Variants in TGIF1 observed in about 807,000 individuals in gnomAD.
TGIF1 encodes TGFB induced factor homeobox 1.
TGIF1 carries 4 observed loss-of-function variants against 19.3 expected under a neutral mutation model. The ratio of observed to expected loss-of-function variants is 0.21; its 90% confidence interval spans 0.10 to 0.47. The LOEUF is 0.47. Ranked by LOEUF, TGIF1 falls within the 20% of genes least tolerant of loss-of-function variation. The pLI, the probability that TGIF1 is intolerant of heterozygous loss-of-function variation, is 0.98. For missense variants in TGIF1, 275 were observed against 341.4 expected, an observed-to-expected ratio of 0.81 and a Z score of 1.53; for synonymous variants, 122 against 129.3, an observed-to-expected ratio of 0.94 and a Z score of 0.38.
At chr18:3,416,951 A>G (rs1268735160) in intron 1 of TGIF1, among the ~76,000 whole-genome samples, 1 of 151,926 alleles carries the variant, frequency 6.6e-6, no homozygotes, top group Non-Finnish European at 1.5e-5. Context: ...CAACAACAAA[A>G]AAAAGATTTA....
At chr18:3,423,679 A>ATG (rs2082435696) in intron 2 of TGIF1, among the ~76,000 whole-genome samples, 1 of 151,576 alleles carries the variant, frequency 6.6e-6, no homozygotes. Flanking sequence ...CGAGACTCCC[A>ATG]TCTCAAAAAA....
At chr18:3,423,356 G>GTT (rs2082430141) in intron 2 of TGIF1, among the ~76,000 whole-genome samples, 1 of 152,050 alleles carries the variant, frequency 6.6e-6, no homozygotes, top group East Asian at 1.9e-4. Context: ...AACCAGCCTG[G>GTT]GCAACATAGT....
intron 2 of TGIF1, among the ~76,000 whole-genome samples, chr18:3,420,435 C>A (rs2082386598): frequency 6.6e-6 from 1 of 151,346 alleles, no homozygotes; most frequent in African/African-American, 2.4e-5. Flanking sequence ...GAGTGGAAAA[C>A]AAAAAGGAAA....
At position 3,452,118 on chromosome 18, in the gene TGIF1, C is replaced by T. The variant is rs375741920; in HGVS notation, c.16+1613C>T. On this transcript the variant is annotated intron_variant, in intron 1 of 2. Coordinates refer to ENST00000343820, the MANE Select transcript of TGIF1 (RefSeq NM_003244.4). ...CCAGTGCTCCTTTTCCACGGCTTTT[C>T]TGGCGTCCCCCCGACTCTCCCGCGG... 13 of 1,613,800 alleles carry T rather than the reference C, an allele frequency of 8.1e-6. No homozygotes were observed. The East Asian group carries it at 2.5e-4, about 30-fold the overall frequency.
chr18:3,438,220 A>G (rs985173214), intron 2 of TGIF1, among the ~76,000 whole-genome samples: 11 of 152,192 alleles, frequency 7.2e-5, no homozygotes, highest in African/African-American at 1.2e-4. Flanking sequence ...AAGTCAAGCA[A>G]TCTAGACCCT....
chr18:3,449,538 T>TCCC, upstream of TGIF1: 3 of 961,942 alleles, frequency 3.1e-6, no homozygotes, highest in Non-Finnish European at 3.7e-6. Flanking sequence ...GTCTCATCAT[T>TCCC]CCCCCCCGCC....
chr18:3,449,401 A>C (rs867878972), upstream of TGIF1: 4 of 985,222 alleles, frequency 4.1e-6, no homozygotes, highest in Non-Finnish European at 4.8e-6. Flanking sequence ...CCCCGGGCAG[A>C]GACGTTTAAA....
In TGIF1 at chr18:3,433,283, AG is replaced by A. The variant is rs1669830431; in HGVS notation, c.-45+15070del. The stretch of plus-strand genomic sequence containing the variant: ...GAGACGGGATTTCCCCATGTTGGCC[AG>A]GCTGGTCTCCAACTCCTGGCCTCAC... On this transcript the variant is annotated intron_variant, in intron 2 of 3. Transcript: ENST00000401449. 2.0e-5 allele frequency among the ~76,000 whole-genome samples: 3 copies of A among 151,970 alleles called. No homozygotes were observed. In the South Asian group the frequency reaches 6.2e-4, roughly 31 times the overall value.
In TGIF1 at chr18:3,451,342, C is replaced by G; in HGVS notation, c.16+837C>G. 1.0e-6 allele frequency: 1 copy of G among 984,992 alleles called. No homozygotes were observed. The highest frequency in any genetic ancestry group is 1.2e-6 in the Non-Finnish European group (1 of 829,596). 61.0% of individuals were successfully genotyped at this position (984,992 alleles called of 1,614,324 possible). ...AGTTTGGTTTAAAAACAAAATACAC[C>G]GGAGGGGGACGGGGGGTGGAGAAAC... On this transcript the variant is annotated intron_variant, in intron 1 of 2. Coordinates refer to ENST00000343820, the MANE Select transcript of TGIF1 (RefSeq NM_003244.4). This position sits in a 1 kb window ranked among gnomAD's most constrained non-coding sequence, Gnocchi z 5.4.
chr18:3,435,191 C>A (rs1044851265), intron 2 of TGIF1, among the ~76,000 whole-genome samples: 1 of 151,534 alleles, frequency 6.6e-6, no homozygotes, highest in African/African-American at 2.4e-5. Context: ...TTTTAAAACC[C>A]TATATATATT....
At chr18:3,448,080 G>A, upstream of TGIF1, 1 of 977,564 alleles carries the variant, frequency 1.0e-6, no homozygotes, top group Non-Finnish European at 1.2e-6. Flanking sequence ...GGGCGGGGGG[G>A]GAGGTAGGGT....
At chr18:3,421,652 T>C (rs2143135840) in intron 2 of TGIF1, among the ~76,000 whole-genome samples, 1 of 151,982 alleles carries the variant, frequency 6.6e-6, no homozygotes, top group Middle Eastern at 3.4e-3. Context: ...CCTCAGGTGA[T>C]CCACCCATCT....
intron 1 of TGIF1, among the ~76,000 whole-genome samples, chr18:3,454,293 G>A (rs1024786798): frequency 2.0e-5 from 3 of 152,036 alleles, no homozygotes; most frequent in Non-Finnish European, 4.4e-5. Context: ...GCCTTCAGGG[G>A]CTTTTTTTGT....
intron 2 of TGIF1, among the ~76,000 whole-genome samples, chr18:3,442,483 C>T (rs1194939077): frequency 6.6e-6 from 1 of 151,772 alleles, no homozygotes; most frequent in Admixed American, 6.6e-5. Context: ...TGCTCTTTGT[C>T]AGATGAGCTT....
intron 2 of TGIF1, among the ~76,000 whole-genome samples, chr18:3,433,901 G>T (rs539166169): frequency 5.9e-5 from 9 of 152,172 alleles, no homozygotes; most frequent in Non-Finnish European, 1.2e-4. Flanking sequence ...GTAGTATATT[G>T]TACCACATAT....
At chr18:3,444,294 T>C (rs889232991) in intron 2 of TGIF1, among the ~76,000 whole-genome samples, 1 of 131,248 alleles carries the variant, frequency 7.6e-6, no homozygotes, top group African/African-American at 4.3e-5. Flanking sequence ...TTCTTTTTTT[T>C]TTTTTTTGTC....
rs540460904 is a variant in TGIF1, at chr18:3,450,606, A to G, written c.16+101A>G. 15 of 1,545,054 alleles carry G rather than the reference A, an allele frequency of 9.7e-6. No individual in the cohort carries two copies. The East Asian group carries it at 1.2e-4, about 13-fold the overall frequency. On this transcript the variant is annotated intron_variant, in intron 1 of 2. Transcript: ENST00000343820. Reference sequence around the variant, plus strand: ...AGTCACTTGGTGGACTTTTCCGCCCAGGGGCTCTCATGCTGGAGTGGCGGC... The same window carrying G: ...AGTCACTTGGTGGACTTTTCCGCCCGGGGGCTCTCATGCTGGAGTGGCGGC...
chr18:3,412,944 G>C (rs141505666), intron 1 of TGIF1: 2 of 152,374 alleles, frequency 1.3e-5, no homozygotes, highest in Non-Finnish European at 2.9e-5. Flanking sequence ...CTTGAGCTCA[G>C]GAGTTCAAGA....
Position 3,457,767 on chromosome 18 carries a change from C to G in TGIF1, c.646C>G (p.Pro216Ala), listed in dbSNP as rs1478419371. 6.2e-7 allele frequency: 1 copy of G among 1,614,080 alleles called. No individual in the cohort carries two copies. Among genetic ancestry groups the G allele is most frequent in the Admixed American group, 1.7e-5 (1 of 60,014 alleles). Residue 216 changes from proline to alanine, a missense_variant, in exon 3 of 3, where the codon CCA (proline) becomes GCA (alanine). By Grantham distance (27) the Pro-to-Ala change is conservative. Transcript: ENST00000343820. This position sits in a 1 kb window ranked among gnomAD's most constrained non-coding sequence, Gnocchi z 4.9. ...CTTCACAGACACCTCTCTCATGTAC[C>G]CAGAGGACACTTGTAAATCTGGACC... is the stretch of plus-strand genomic sequence containing the variant. ...KNFTDTSLMY[P>A]EDTCKSGPST...
Sources: allele counts gnomAD v4.1 joint callset (sites outside exome capture counted in the v4.1 genomes callset), GRCh38; gene constraint gnomAD v4.1.1; non-coding constraint Gnocchi (gnomAD v3.1); transcripts MANE v1.5; gene names NCBI Gene and HGNC (gene_info 2026-07-23, HGNC 2026-07-21).